The following MAGI2 variants were observed in gnomAD, a reference collection of about 807,000 sequenced individuals.
MAGI2 encodes the protein membrane-associated guanylate kinase, WW and PDZ domain-containing protein 2.
MAGI2 carries 35 observed loss-of-function variants against 133.3 expected under a neutral mutation model. The observed-to-expected ratio is 0.26, with a 90% CI of 0.20 to 0.35. The LOEUF (loss-of-function observed/expected upper bound fraction) is 0.35, where lower values mean the gene tolerates loss of function less well. Ranked by LOEUF, MAGI2 falls within the 10% of genes least tolerant of loss-of-function variation. MAGI2 has a pLI of 1.00. For synonymous variants in MAGI2, 729 were observed against 710.6 expected, an observed-to-expected ratio of 1.03 and a Z score of -0.41; for missense variants, 1,636 against 1,863.4, an observed-to-expected ratio of 0.88 and a Z score of 2.25.
rs1815163254 is a variant in MAGI2, at chr7:78,075,345, T to C, written c.3706+3602A>G. On this transcript the variant is annotated intron_variant, in intron 21 of 21. Coordinates refer to ENST00000354212, the MANE Select transcript of MAGI2 (RefSeq NM_012301.4). ...TGTGTCTTTTCCCTTGTGAGCCCAA[T>C]GTGTATTTTCACTATATTGATGTAA... Among the ~76,000 whole-genome samples, 5 of 152,128 alleles carry C rather than the reference T, an allele frequency of 3.3e-5. No homozygotes were observed. In the South Asian group the frequency reaches 1.0e-3, roughly 32 times the overall value.
chr7:78,250,279 A>G (rs963947332), intron 10 of MAGI2, among the ~76,000 whole-genome samples: 3 of 152,104 alleles, frequency 2.0e-5, no homozygotes, highest in Non-Finnish European at 4.4e-5. Context: ...GGGATAATAC[A>G]CAGTTTTCTA....
chr7:78,247,597 A>C (rs1225891015), intron 10 of MAGI2, among the ~76,000 whole-genome samples: 1 of 152,208 alleles, frequency 6.6e-6, no homozygotes, highest in Non-Finnish European at 1.5e-5. Flanking sequence ...AAAGAGATGG[A>C]TATCTAAAAA....
At chr7:78,924,457 T>C (rs998734999) in intron 2 of MAGI2, among the ~76,000 whole-genome samples, 1 of 152,188 alleles carries the variant, frequency 6.6e-6, no homozygotes, top group Non-Finnish European at 1.5e-5. Context: ...GATAATCATG[T>C]GGTTTTTGTC....
chr7:78,651,330 T>C (rs1214257973), intron 2 of MAGI2, among the ~76,000 whole-genome samples: 1 of 152,116 alleles, frequency 6.6e-6, no homozygotes, highest in Non-Finnish European at 1.5e-5. Flanking sequence ...TTGTCTTACT[T>C]GGATAATAGA....
chr7:79,335,059 T>C (rs1470244809), intron 1 of MAGI2, among the ~76,000 whole-genome samples: 1 of 152,146 alleles, frequency 6.6e-6, no homozygotes, highest in East Asian at 1.9e-4. Flanking sequence ...AGCTACGACT[T>C]GGTGAATCAT....
intron 1 of MAGI2, among the ~76,000 whole-genome samples, chr7:79,167,318 G>A (rs1825032061): frequency 7.2e-6 from 1 of 138,492 alleles, no homozygotes; most frequent in African/African-American, 2.7e-5. Context: ...CCTCTCTACT[G>A]ATACTTCCCT....
intron 1 of MAGI2, among the ~76,000 whole-genome samples, chr7:79,055,856 C>A (rs1349238466): frequency 6.6e-6 from 1 of 152,126 alleles, no homozygotes; most frequent in African/African-American, 2.4e-5. Flanking sequence ...ACCTCTTGGT[C>A]CAGGTGTTCT....
chr7:78,301,249 A>G (rs1797793254), intron 9 of MAGI2, among the ~76,000 whole-genome samples: 1 of 152,226 alleles, frequency 6.6e-6, no homozygotes, highest in South Asian at 2.1e-4. Flanking sequence ...ATCTGGAGCT[A>G]GTGACCCGGA....
At chr7:79,278,419 ACACT>A (rs1835398254) in intron 1 of MAGI2, among the ~76,000 whole-genome samples, 1 of 152,172 alleles carries the variant, frequency 6.6e-6, no homozygotes, top group South Asian at 2.1e-4. Flanking sequence ...ACAGCCTAAC[ACACT>A]CACCCCATTG....
At chr7:79,405,921 CAAAAAAAA>C (rs34025242) in intron 1 of MAGI2, among the ~76,000 whole-genome samples, 1 of 107,314 alleles carries the variant, frequency 9.3e-6, no homozygotes, top group East Asian at 2.4e-4. Flanking sequence ...AACCACAACA[CAAAAAAAA>C]AAAAAAAAAA....
chr7:79,004,920 T>C (rs945054663), intron 2 of MAGI2, among the ~76,000 whole-genome samples: 1 of 152,032 alleles, frequency 6.6e-6, no homozygotes, highest in East Asian at 1.9e-4. Context: ...CCGTCTCTAC[T>C]AAAAATACAA....
At chr7:78,656,989 T>TA (rs5885084) in intron 2 of MAGI2, among the ~76,000 whole-genome samples, 7,033 of 104,000 alleles carry the variant, frequency 0.068, 278 homozygotes, top group Non-Finnish European at 0.092. Context: ...AAACCCAGTA[T>TA]AAAAAAAAAA....
chr7:78,656,690 A>G (rs1036448212), intron 2 of MAGI2, among the ~76,000 whole-genome samples: 5 of 152,246 alleles, frequency 3.3e-5, no homozygotes, highest in African/African-American at 9.6e-5. Flanking sequence ...AGATGAACAT[A>G]TTTGACTGCT....
intron 13 of MAGI2, among the ~76,000 whole-genome samples, chr7:78,182,203 A>C (rs1405294186): frequency 6.6e-6 from 1 of 152,182 alleles, no homozygotes. Context: ...GATCTAGGAA[A>C]GTTAGCATGA....
intron 1 of MAGI2, among the ~76,000 whole-genome samples, chr7:79,201,631 C>T (rs1312214770): frequency 2.6e-5 from 4 of 151,920 alleles, no homozygotes; most frequent in East Asian, 1.9e-4. Context: ...CACAGCTGCA[C>T]ATTACAAGTT....
intron 3 of MAGI2, among the ~76,000 whole-genome samples, chr7:78,621,567 A>G (rs1348595752): frequency 1.3e-5 from 2 of 151,952 alleles, no homozygotes; most frequent in Non-Finnish European, 2.9e-5. Context: ...GATGTTCTAT[A>G]TCAAATTCAA....
chr7:78,919,682 T>C (rs955291645), intron 2 of MAGI2, among the ~76,000 whole-genome samples: 2 of 152,110 alleles, frequency 1.3e-5, no homozygotes, highest in African/African-American at 4.8e-5. Flanking sequence ...TTTCAAACTA[T>C]GGAAATGCTA....
At chr7:78,797,896 G>A (rs1220399772) in intron 2 of MAGI2, among the ~76,000 whole-genome samples, 1 of 151,882 alleles carries the variant, frequency 6.6e-6, no homozygotes, top group African/African-American at 2.4e-5. Context: ...GTGCATGGGT[G>A]CATGGCAATG....
chr7:78,057,185 A>T (rs192243281), intron 21 of MAGI2, among the ~76,000 whole-genome samples: 8 of 151,986 alleles, frequency 5.3e-5, no homozygotes, highest in African/African-American at 1.9e-4. Flanking sequence ...TCCCACAAAC[A>T]GAACACAAGA....
Sources: allele counts gnomAD v4.1 joint callset (sites outside exome capture counted in the v4.1 genomes callset), GRCh38; gene constraint gnomAD v4.1.1; transcripts MANE v1.5; gene names NCBI Gene and HGNC (gene_info 2026-07-23, HGNC 2026-07-21).